MYH10: variants seen among roughly 807,000 people sequenced by gnomAD.
MYH10 encodes the protein myosin heavy chain 10, also known as myosin-10.
Under a neutral mutation model 257.8 loss-of-function variants are expected in MYH10, and 55 were observed. That is an observed-to-expected ratio of 0.21 (90% CI 0.17 to 0.27). The LOEUF is 0.27. MYH10 is among the 10% of genes least tolerant of loss of function. The pLI, the probability that MYH10 is intolerant of heterozygous loss-of-function variation, is 1.00. For missense variants in MYH10, 1,631 were observed against 2,500.6 expected (o/e 0.65, Z 7.42); for synonymous variants, 854 against 921.7 (o/e 0.93, Z 1.33).
At chr17:8,579,602 C>T (rs1479055700) in intron 4 of MYH10, among the ~76,000 whole-genome samples, 1 of 152,138 alleles carries the variant, frequency 6.6e-6, no homozygotes, top group African/African-American at 2.4e-5. Flanking sequence ...TATTAACCAC[C>T]CCTCATGTTA....
In MYH10 at chr17:8,492,979, C is replaced by A. The variant is rs769639893; in HGVS notation, c.4255G>T (p.Glu1419Ter). 6.2e-7 allele frequency: 1 copy of A among 1,614,090 alleles called. No homozygotes were observed. Among genetic ancestry groups the A allele is most frequent in the Non-Finnish European group, 8.5e-7 (1 of 1,180,038 alleles). Reference sequence around the variant, plus strand: ...TTCTTCTTGGCTTCTTCCAGACTTTCAATTGTTCCCAGGTCGTCATCTACT... The same window carrying A: ...TTCTTCTTGGCTTCTTCCAGACTTTAAATTGTTCCCAGGTCGTCATCTACT... ...KKVDDDLGTI[E>*]SLEEAKKKLL... Residue 1419 changes from glutamate (E) to a stop codon, truncating the protein, a stop_gained, in exon 33 of 43, where the codon GAA (glutamate) becomes TAA (stop). Coordinates refer to ENST00000360416, the MANE Select transcript of MYH10 (RefSeq NM_001256012.3). LOFTEE classifies it high-confidence loss of function.
chr17:8,491,139 C>A (rs1314716339), intron 34 of MYH10, among the ~76,000 whole-genome samples: 1 of 143,178 alleles, frequency 7.0e-6, no homozygotes. Flanking sequence ...CTCACAGCAG[C>A]CTTTGGAGGG....
At chr17:8,565,718 T>C (rs2083144629) in intron 7 of MYH10, among the ~76,000 whole-genome samples, 1 of 152,232 alleles carries the variant, frequency 6.6e-6, no homozygotes, top group Non-Finnish European at 1.5e-5. Flanking sequence ...TCAGCTGAAA[T>C]AGCATTTGTT....
Position 8,569,982 on chromosome 17 carries a change from T to C in MYH10, c.664-170A>G, listed in dbSNP as rs1046102126. Among the ~76,000 whole-genome samples the C allele has an allele frequency of 6.6e-6, 1 of 152,136 alleles. No individual in the cohort carries two copies. The highest frequency in any genetic ancestry group is 2.4e-5 in the African/African-American group (1 of 41,432). On this transcript the variant is annotated intron_variant, in intron 6 of 42. Coordinates refer to ENST00000360416, the MANE Select transcript of MYH10 (RefSeq NM_001256012.3). The surrounding 1 kb of genome is among the most constrained non-coding windows in gnomAD (Gnocchi z 4.1). ...GTTGGCTTCTTAATCCTGGTTATGA[T>C]AATGGACTCCACTAAAGGAAAAAAT...
intron 38 of MYH10, 139 bp from the exon 39 acceptor site, chr17:8,480,664 C>G (rs1327303945): frequency 8.8e-7 from 1 of 1,131,256 alleles, no homozygotes; most frequent in Non-Finnish European, 1.3e-6. Context: ...GCACTCATCC[C>G]CAAATCCATC....
intron 11 of MYH10, among the ~76,000 whole-genome samples, chr17:8,548,068 C>T (rs2082502234): frequency 6.6e-6 from 1 of 151,886 alleles, no homozygotes; most frequent in African/African-American, 2.4e-5. Context: ...AGTTCTCCTC[C>T]CTCAATTCCC....
At chr17:8,512,399 G>A in intron 24 of MYH10, 52 bp downstream of exon 24, 2 of 1,414,932 alleles carry the variant, frequency 1.4e-6, no homozygotes, top group South Asian at 1.3e-5. Context: ...TTATTCAACA[G>A]ATCCACTTGA....
intron 30 of MYH10, among the ~76,000 whole-genome samples, chr17:8,498,813 A>C (rs1417921988): frequency 6.6e-6 from 1 of 152,110 alleles, no homozygotes; most frequent in Non-Finnish European, 1.5e-5. Context: ...GCGCCACTGC[A>C]CTCCAGCCTG....
At position 8,508,658 on chromosome 17, in the gene MYH10, T is replaced by C; in HGVS notation, c.3110A>G (p.Asp1037Gly). The change falls in exon 26 of 43, where the codon GAT becomes GGT. Residue 1037 changes from aspartate to glycine, a missense_variant. Coordinates refer to ENST00000360416, the MANE Select transcript of MYH10 (RefSeq NM_001256012.3). ...KFIKEKKLMEDRIAECSSQLA... is the reference protein window; with the variant it reads ...KFIKEKKLMEGRIAECSSQLA... ...CTGAGAGGAACACTCAGCAATGCGATCTTCCATGAGTTTCTTTTCCTGGAC... is the reference window on the plus strand; with the variant it reads ...CTGAGAGGAACACTCAGCAATGCGACCTTCCATGAGTTTCTTTTCCTGGAC... The C allele has an allele frequency of 6.2e-7, 1 of 1,614,048 alleles. No individual in the cohort carries two copies. Among genetic ancestry groups the C allele is most frequent in the Non-Finnish European group, 8.5e-7 (1 of 1,179,990 alleles).
chr17:8,502,711 C>T (rs755989719), intron 28 of MYH10, among the ~76,000 whole-genome samples: 4 of 152,120 alleles, frequency 2.6e-5, no homozygotes, highest in Non-Finnish European at 5.9e-5. Context: ...CTCTAAGGGT[C>T]CTTAGCAAGA....
chr17:8,578,113 C>T (rs1201887307), intron 4 of MYH10, among the ~76,000 whole-genome samples: 2 of 152,154 alleles, frequency 1.3e-5, no homozygotes, highest in Non-Finnish European at 2.9e-5. Context: ...TTCTCAGATC[C>T]CCCTCTCAGA....
intron 42 of MYH10, among the ~76,000 whole-genome samples, 174 bp from the exon 43 acceptor site, chr17:8,476,122 C>G (rs1405365133): frequency 6.6e-6 from 1 of 152,242 alleles, no homozygotes; most frequent in African/African-American, 2.4e-5. Context: ...CTGCCTCTCC[C>G]ACAACCCTGC....
intron 14 of MYH10, among the ~76,000 whole-genome samples, chr17:8,539,264 C>T (rs774848027): frequency 6.6e-6 from 1 of 152,234 alleles, no homozygotes; most frequent in Non-Finnish European, 1.5e-5. Flanking sequence ...CGCCAAATAA[C>T]TTCCCTAAAA....
chr17:8,598,552 A>T (rs2084473652), intron 3 of MYH10, among the ~76,000 whole-genome samples: 1 of 152,226 alleles, frequency 6.6e-6, no homozygotes, highest in African/African-American at 2.4e-5. Flanking sequence ...CAGCTCAATA[A>T]ATTAGCAAAA....
chr17:8,586,850 G>A (rs934256767), intron 4 of MYH10, among the ~76,000 whole-genome samples: 1 of 152,184 alleles, frequency 6.6e-6, no homozygotes, highest in Admixed American at 6.5e-5. Flanking sequence ...TCTAAGAGAA[G>A]GTACAAGTCT....
intron 14 of MYH10, among the ~76,000 whole-genome samples, chr17:8,536,760 T>C (rs368646128): frequency 6.7e-6 from 1 of 149,360 alleles, no homozygotes; most frequent in African/African-American, 2.5e-5. Context: ...GATGGTGCCA[T>C]TGCACTCCAG....
intron 7 of MYH10, among the ~76,000 whole-genome samples, chr17:8,563,075 T>G (rs1326718061): frequency 6.6e-6 from 1 of 152,252 alleles, no homozygotes; most frequent in Non-Finnish European, 1.5e-5. Flanking sequence ...TCTAAAGTTA[T>G]TACATGATCT....
intron 16 of MYH10, among the ~76,000 whole-genome samples, chr17:8,534,879 A>G (rs1459289726): frequency 6.6e-6 from 1 of 152,262 alleles, no homozygotes; most frequent in African/African-American, 2.4e-5. Flanking sequence ...AAATTCTTCA[A>G]CTGAGGTTCA....
Position 8,492,814 on chromosome 17 carries a change from C to G in MYH10, c.4420G>C (p.Ala1474Pro). Reference sequence around the variant, plus strand: ...TTCTGCTTCTTCTCCAAGTTGGAGGCGACCTGGCGCTGGTGGTCCAGGTCC... The same window carrying G: ...TTCTGCTTCTTCTCCAAGTTGGAGGGGACCTGGCGCTGGTGGTCCAGGTCC... ...TVDLDHQRQV[A>P]SNLEKKQKKF... Residue 1474 changes from alanine to proline, a missense_variant, in exon 33 of 43, where the codon GCC becomes CCC. By Grantham distance (27) the Ala-to-Pro change is conservative. Coordinates refer to ENST00000360416, the MANE Select transcript of MYH10 (RefSeq NM_001256012.3). 6.2e-7 allele frequency: 1 copy of G among 1,613,978 alleles called. No individual in the cohort carries two copies. Among genetic ancestry groups the G allele is most frequent in the Non-Finnish European group, 8.5e-7 (1 of 1,180,022 alleles).
Sources: allele counts gnomAD v4.1 joint callset (sites outside exome capture counted in the v4.1 genomes callset), GRCh38; gene constraint gnomAD v4.1.1; non-coding constraint Gnocchi (gnomAD v3.1); transcripts MANE v1.5; gene names NCBI Gene and HGNC (gene_info 2026-07-23, HGNC 2026-07-21).